Variants in ORC6 observed in about 807,000 individuals in gnomAD.
ORC6 encodes the protein origin recognition complex, subunit 6 homolog-like (yeast).
In ORC6, 31 loss-of-function variants were observed where a neutral mutation model predicts 30.0. The observed-to-expected ratio is 1.03, with a 90% CI of 0.78 to 1.40. The LOEUF is 1.40. ORC6 is among the 40% of genes most tolerant of loss of function. The pLI, the probability that ORC6 is intolerant of heterozygous loss-of-function variation, is 0.00. For synonymous variants in ORC6, 136 were observed against 111.2 expected, an observed-to-expected ratio of 1.22 and a Z score of -1.40; for missense variants, 340 against 304.3, an observed-to-expected ratio of 1.12 and a Z score of -0.87.
chr16:46,691,865 C>G (rs1596733603), intron 2 of ORC6, among the ~76,000 whole-genome samples: 1 of 151,868 alleles, frequency 6.6e-6, no homozygotes, highest in East Asian at 1.9e-4. Flanking sequence ...GTCTCCCAGA[C>G]AGAGCTGGTT....
chr16:46,693,370 G>A, intron 4 of ORC6, 188 bp downstream of exon 4: 1 of 609,632 alleles, frequency 1.6e-6, no homozygotes, highest in Non-Finnish European at 2.9e-6. Context: ...CTTGGAACTA[G>A]TGTTGCCAGA....
intron 2 of ORC6, among the ~76,000 whole-genome samples, chr16:46,691,374 T>G (rs1205015581): frequency 1.3e-5 from 2 of 152,248 alleles, no homozygotes; most frequent in East Asian, 3.8e-4. Context: ...CTGCTAGCAT[T>G]ACCCTCCTTT....
intron 1 of ORC6, among the ~76,000 whole-genome samples, chr16:46,690,591 G>A (rs988810380): frequency 6.6e-5 from 10 of 152,128 alleles, no homozygotes; most frequent in Non-Finnish European, 1.2e-4. Context: ...CTCGGCCTGG[G>A]ACCCAGTAAT....
chr16:46,695,077 T>G (rs534153058), intron 4 of ORC6: 9 of 180,996 alleles, frequency 5.0e-5, no homozygotes, highest in Non-Finnish European at 1.0e-4. Context: ...GAAACCATAT[T>G]ACGCTGAGTA....
In ORC6 at chr16:46,697,544, T is replaced by C. The variant is rs369091289; in HGVS notation, c.718T>C (p.Leu240=). The C allele has an allele frequency of 5.6e-6, 9 of 1,613,984 alleles. No homozygotes were observed. The African/African-American group carries it at 1.2e-4, about 22-fold the overall frequency. ...TTATGAAGAATGGAAAAGAAAAATTTTGGAAAATGCTGCCAGTGCTCAAAA... is the reference window on the plus strand; with the variant it reads ...TTATGAAGAATGGAAAAGAAAAATTCTGGAAAATGCTGCCAGTGCTCAAAA... The part of the protein sequence containing the change: ...QDYEEWKRKI[L]ENAASAQKAT... Residue 240 remains leucine (L), a synonymous_variant, in exon 7 of 7, where the codon TTG becomes CTG. Coordinates refer to ENST00000219097, the MANE Select transcript of ORC6 (RefSeq NM_014321.4).
At chr16:46,690,681 A>G in intron 1 of ORC6, 1 of 401,508 alleles carries the variant, frequency 2.5e-6, no homozygotes, top group South Asian at 2.1e-5. Context: ...GAAAGGAGGA[A>G]CCCTGGTCTA....
intron 4 of ORC6, chr16:46,694,113 C>T (rs1204957615): frequency 2.6e-5 from 1 of 38,600 alleles, no homozygotes; most frequent in South Asian, 7.3e-4. Flanking sequence ...CATCTTGCAC[C>T]GCCCTTAATC....
At position 46,695,546 on chromosome 16, in the gene ORC6, T is replaced by C. The variant is rs772524987; in HGVS notation, c.450-16T>C. On this transcript the variant is annotated splice_polypyrimidine_tract_variant and intron_variant, in intron 4 of 6. Transcript: ENST00000219097. ...TACAGGTCTTGAGAAAAGCAACTTATGAAATTGTTTTGTAGGATTCTAAAG... is the reference window on the plus strand; with the variant it reads ...TACAGGTCTTGAGAAAAGCAACTTACGAAATTGTTTTGTAGGATTCTAAAG... 1 of 1,529,236 alleles carries C rather than the reference T, an allele frequency of 6.5e-7. No individual in the cohort carries two copies. Among genetic ancestry groups the C allele is most frequent in the Non-Finnish European group, 9.1e-7 (1 of 1,102,690 alleles). 94.7% of individuals were successfully genotyped at this position (1,529,236 alleles called of 1,614,324 possible).
chr16:46,698,350 A>G lies in ORC6; in HGVS notation c.*765A>G, dbSNP rs760064306. On this transcript the variant is annotated 3_prime_UTR_variant, in exon 7 of 7. Transcript: ENST00000219097. ...ACGGTATTTTTTATTTGACTAAATC[A>G]ATATATTGTACAGCCTAAGTTAATA... 6.8e-6 allele frequency: 3 copies of G among 438,504 alleles called. No homozygotes were observed. The highest frequency in any genetic ancestry group is 4.8e-5 in the South Asian group (3 of 62,178). 27.2% of individuals were successfully genotyped at this position (438,504 alleles called of 1,614,324 possible).
chr16:46,698,070 G>A lies in ORC6; in HGVS notation c.*485G>A, dbSNP rs1030814215. ...GCAGAGGTTGCAGTGAGCCGAGATT[G>A]CACCACCGCACTCCAGCCTGGGTGA... On this transcript the variant is annotated 3_prime_UTR_variant, in exon 7 of 7. Transcript: ENST00000219097. 2.4e-6 allele frequency: 1 copy of A among 422,662 alleles called. No homozygotes were observed. The highest frequency in any genetic ancestry group is 4.8e-6 in the Non-Finnish European group (1 of 208,206). The allele number at this position is 422,662 out of a possible 1,614,324, so 26.2% of individuals were successfully genotyped here. A position where few individuals can be genotyped will look rare whatever the true frequency, so the allele number is the denominator to read the frequency against.
chr16:46,690,702 C>G, intron 1 of ORC6: 1 of 434,556 alleles, frequency 2.3e-6, no homozygotes, highest in South Asian at 2.0e-5. Flanking sequence ...ACCTGCCTGT[C>G]TCTGATAGTT....
At position 46,695,671 on chromosome 16, in the gene ORC6, G is replaced by A. The variant is rs755961535; in HGVS notation, c.559G>A (p.Asp187Asn). 2.7e-5 allele frequency: 42 copies of A among 1,578,358 alleles called. No homozygotes were observed. The highest frequency in any genetic ancestry group is 3.6e-5 in the Non-Finnish European group (41 of 1,147,566). Residue 187 changes from aspartate to asparagine, a missense_variant, in exon 5 of 7, where the codon GAC (aspartate) becomes AAC (asparagine). By Grantham distance (23) the Asp-to-Asn change is conservative (BLOSUM62 1). Coordinates refer to ENST00000219097, the MANE Select transcript of ORC6 (RefSeq NM_014321.4). ...ACTAGAGAAGATTGGACAGCAGGTCGACAGTAAGTATTCTGTAGTTCAAGA... is the reference window on the plus strand; with the variant it reads ...ACTAGAGAAGATTGGACAGCAGGTCAACAGTAAGTATTCTGTAGTTCAAGA... The part of the protein sequence containing the change: ...KQLEKIGQQV[D>N]REPGDVATPP...
rs944576592 is a variant in ORC6, at chr16:46,696,043, C to T, written c.589C>T (p.Pro197Ser). Reference sequence around the variant, plus strand: ...AGAACCTGGAGATGTAGCTACTCCACCACGGAAGAGAAAGAAGATAGTGGT... The same window carrying T: ...AGAACCTGGAGATGTAGCTACTCCATCACGGAAGAGAAAGAAGATAGTGGT... ...DREPGDVATP[P>S]RKRKKIVVEA... Residue 197 changes from proline to serine, a missense_variant, in exon 6 of 7, where the codon CCA (proline) becomes TCA (serine). Physicochemically the swap from Pro to Ser is moderately conservative, Grantham distance 74 (BLOSUM62 -1). Coordinates refer to ENST00000219097, the MANE Select transcript of ORC6 (RefSeq NM_014321.4). 2.5e-6 allele frequency: 4 copies of T among 1,613,364 alleles called. No individual in the cohort carries two copies. The highest frequency in any genetic ancestry group is 2.5e-6 in the Non-Finnish European group (3 of 1,179,378).
At position 46,697,760 on chromosome 16, in the gene ORC6, G is replaced by A. The variant is rs1445166945; in HGVS notation, c.*175G>A. Reference sequence around the variant, plus strand: ...AAGTCTGGGCAGTGGGCTGGCCCCTGGTGTGAGCATTAGACCAGCCACAGT... The same window carrying A: ...AAGTCTGGGCAGTGGGCTGGCCCCTAGTGTGAGCATTAGACCAGCCACAGT... On this transcript the variant is annotated 3_prime_UTR_variant, in exon 7 of 7. Coordinates refer to ENST00000219097, the MANE Select transcript of ORC6 (RefSeq NM_014321.4). The A allele has an allele frequency of 1.6e-5, 12 of 728,448 alleles. No homozygotes were observed. The highest frequency in any genetic ancestry group is 2.4e-6 in the Non-Finnish European group (1 of 409,290). 45.1% of individuals were successfully genotyped at this position (728,448 alleles called of 1,614,324 possible).
At chr16:46,693,287 T>C (rs1290437874) in intron 4 of ORC6, 105 bp downstream of exon 4, 1 of 754,060 alleles carries the variant, frequency 1.3e-6, no homozygotes, top group Non-Finnish European at 2.4e-6. Flanking sequence ...GAGCATATTT[T>C]CCCCTAGAAA....
At chr16:46,697,417 A>G (rs770653936) in intron 6 of ORC6, 41 bp from the exon 7 acceptor site, 2 of 1,567,924 alleles carry the variant, frequency 1.3e-6, no homozygotes, top group Non-Finnish European at 1.8e-6. Context: ...TTCATTTCTA[A>G]GCTAAGAATT....
intron 4 of ORC6, chr16:46,693,853 T>TTA (rs1400528022): frequency 3.0e-4 from 35 of 116,930 alleles, no homozygotes; most frequent in African/African-American, 4.7e-4. Context: ...TTTATTTTTA[T>TTA]TTTTTTTTTT....
intron 3 of ORC6, 61 bp downstream of exon 3, chr16:46,692,606 A>G: frequency 2.0e-6 from 3 of 1,475,112 alleles, no homozygotes; most frequent in Non-Finnish European, 2.8e-6. Flanking sequence ...GTGGTGGCTC[A>G]CGCCTGTAAT....
chr16:46,691,559 G>A (rs1389129863), intron 2 of ORC6, among the ~76,000 whole-genome samples: 1 of 152,064 alleles, frequency 6.6e-6, no homozygotes, highest in Non-Finnish European at 1.5e-5. Context: ...ATCCAATTTC[G>A]CTGGATTATT....
Sources: gnomAD v4.1 joint callset for allele counts (sites outside exome capture counted in the v4.1 genomes callset) on GRCh38, gnomAD v4.1.1 for gene constraint, MANE v1.5 for transcripts, NCBI Gene and HGNC (gene_info 2026-07-23, HGNC 2026-07-21) for gene names.